CCDC141: variants seen among roughly 807,000 people sequenced by gnomAD.
The protein encoded by CCDC141 is coiled-coil domain containing 141.
A neutral mutation model predicts 181.0 loss-of-function variants in CCDC141; 168 were observed. The ratio of observed to expected loss-of-function variants is 0.93; its 90% CI spans 0.82 to 1.05. The LOEUF (loss-of-function observed/expected upper bound fraction) is 1.05, where lower values mean the gene tolerates loss of function less well. CCDC141 is among the 50% of genes least tolerant of loss of function. CCDC141 has a pLI of 0.00. For missense variants in CCDC141, 1,902 were observed against 1,788.5 expected (o/e 1.06, Z -1.14); for synonymous variants, 666 against 642.3 (o/e 1.04, Z -0.56).
At chr2:178,895,350 C>G (rs932839975) in intron 8 of CCDC141, among the ~76,000 whole-genome samples, 1 of 152,126 alleles carries the variant, frequency 6.6e-6, no homozygotes, top group Non-Finnish European at 1.5e-5. Context: ...GAGAGGAGTC[C>G]TCAATCACCC....
intron 23 of CCDC141, 150 bp from the exon 24 acceptor site, chr2:178,834,590 G>T: frequency 2.3e-6 from 2 of 864,932 alleles, no homozygotes; most frequent in Non-Finnish European, 3.4e-6. Context: ...TTCCAGTGGG[G>T]CTCTTTATCT....
rs1208096828 is a variant in CCDC141, at chr2:179,050,120, C to T, written c.-179G>A. 9.8e-6 allele frequency: 9 copies of T among 914,508 alleles called. No individual in the cohort carries two copies. Among genetic ancestry groups the T allele is most frequent in the Non-Finnish European group, 1.4e-5 (9 of 644,152 alleles). 56.6% of individuals were successfully genotyped at this position (914,508 alleles called of 1,614,324 possible). A position where few individuals can be genotyped will look rare whatever the true frequency, so the allele number is the denominator to read the frequency against. ...AAATAGACAACCCCATTGAGTTTAT[C>T]GTGAGAGAGAAAGGAGCGAACGAGA... On this transcript the variant is annotated 5_prime_UTR_variant, in exon 1 of 24. Coordinates refer to ENST00000443758, the MANE Select transcript of CCDC141 (RefSeq NM_173648.4).
intron 4 of CCDC141, among the ~76,000 whole-genome samples, chr2:178,963,401 G>A (rs75293999): frequency 0.02 from 2,987 of 152,120 alleles, 49 homozygotes; most frequent in Non-Finnish European, 0.028. Context: ...GAATAACAGC[G>A]TCAAATATAC....
chr2:178,900,639 T>TA (rs1687641242), intron 8 of CCDC141, among the ~76,000 whole-genome samples: 1 of 152,126 alleles, frequency 6.6e-6, no homozygotes, highest in Admixed American at 6.6e-5. Context: ...ACAGAATGTA[T>TA]AAAAAATAAA....
intron 22 of CCDC141, among the ~76,000 whole-genome samples, chr2:178,841,316 A>G (rs1684707898): frequency 6.6e-6 from 1 of 152,220 alleles, no homozygotes; most frequent in Admixed American, 6.5e-5. Context: ...AGAGAGCATC[A>G]TAAGTGTGTT....
chr2:179,004,965 C>T (rs138081344), intron 2 of CCDC141, among the ~76,000 whole-genome samples: 96 of 152,286 alleles, frequency 6.3e-4, no homozygotes, highest in African/African-American at 2.0e-3. Context: ...CTCCTGACCT[C>T]AGGTTATCCA....
the CCDC141 span, among the ~76,000 whole-genome samples, chr2:178,821,727 T>C: frequency 6.6e-6 from 1 of 152,122 alleles, no homozygotes; most frequent in Non-Finnish European, 1.5e-5. Context: ...TCACACCAGT[T>C]AGAATGGCAA....
At chr2:178,993,740 G>A (rs1021744087) in intron 2 of CCDC141, among the ~76,000 whole-genome samples, 1 of 152,134 alleles carries the variant, frequency 6.6e-6, no homozygotes, top group African/African-American at 2.4e-5. Flanking sequence ...TTCTGCCTAT[G>A]AGCCTGTAAA....
chr2:178,885,821 TGA>T (rs912722150), intron 10 of CCDC141, among the ~76,000 whole-genome samples: 2 of 152,136 alleles, frequency 1.3e-5, no homozygotes, highest in Admixed American at 1.3e-4. Context: ...TCTGCAGCAA[TGA>T]GAGATTGCTT....
chr2:178,948,228 T>A (rs1026784979), intron 5 of CCDC141, among the ~76,000 whole-genome samples: 1 of 152,092 alleles, frequency 6.6e-6, no homozygotes, highest in African/African-American at 2.4e-5. Context: ...TTAGTATTGA[T>A]TACCTATTGA....
chr2:178,977,448 T>G (rs1014848625), intron 3 of CCDC141, among the ~76,000 whole-genome samples: 19 of 152,202 alleles, frequency 1.2e-4, no homozygotes, highest in Non-Finnish European at 2.6e-4. Context: ...TTCAGCTGTT[T>G]CATTTCTTTT....
intron 5 of CCDC141, among the ~76,000 whole-genome samples, chr2:178,953,880 A>T (rs542559937): frequency 6.6e-5 from 10 of 152,246 alleles, no homozygotes; most frequent in Non-Finnish European, 8.8e-5. Flanking sequence ...GATGCCCACC[A>T]GACACAAGAT....
At chr2:178,923,326 G>C (rs986166007) in intron 6 of CCDC141, among the ~76,000 whole-genome samples, 8 of 151,744 alleles carry the variant, frequency 5.3e-5, no homozygotes, top group South Asian at 2.1e-4. Context: ...GGATGGTCTC[G>C]ATCTCCTGAC....
chr2:179,003,828 A>G (rs1289836651), intron 2 of CCDC141, among the ~76,000 whole-genome samples: 5 of 152,250 alleles, frequency 3.3e-5, no homozygotes, highest in Non-Finnish European at 7.3e-5. Flanking sequence ...TTTACTGTCA[A>G]GAAACATGTA....
chr2:178,961,416 G>T lies in CCDC141; in HGVS notation c.594C>A (p.Phe198Leu). Residue 198 changes from phenylalanine (F) to leucine (L), a missense_variant, in exon 5 of 24, where the codon TTC (phenylalanine) becomes TTA (leucine). Physicochemically the swap from Phe to Leu is conservative, Grantham distance 22. Coordinates refer to ENST00000443758, the MANE Select transcript of CCDC141 (RefSeq NM_173648.4). ...GATTCACATTAGGTCCTTCACACTT[G>T]AATTTTTCTATGAAGTCAGTGAGTT... ...SQQLTDFIEK[F>L]KCEGPNVNPE... 1 of 1,550,372 alleles carries T rather than the reference G, an allele frequency of 6.5e-7. No homozygotes were observed. Among genetic ancestry groups the T allele is most frequent in the Non-Finnish European group, 8.7e-7 (1 of 1,146,870 alleles).
At chr2:178,868,501 T>C (rs981423579) in intron 15 of CCDC141, among the ~76,000 whole-genome samples, 2 of 150,866 alleles carry the variant, frequency 1.3e-5, no homozygotes, top group African/African-American at 2.4e-5. Flanking sequence ...TTTAAAGGGA[T>C]ATTAACGAAT....
At chr2:178,815,202 T>C in the CCDC141 span, among the ~76,000 whole-genome samples, 13 of 152,186 alleles carry the variant, frequency 8.5e-5, no homozygotes, top group African/African-American at 3.1e-4. Context: ...AACATATATC[T>C]TAAGGACATG....
intron 2 of CCDC141, among the ~76,000 whole-genome samples, chr2:179,006,328 C>T (rs912650872): frequency 1.3e-5 from 2 of 152,152 alleles, no homozygotes; most frequent in Admixed American, 1.3e-4. Context: ...TCAGTGTTAT[C>T]TGTTTCTGTT....
rs113008315 is a variant in CCDC141 at position 178,975,217 on chromosome 2, G to A, written c.418-52C>T. 1,408 of 985,682 alleles carry A rather than the reference G, an allele frequency of 1.4e-3. 13 individuals carry two copies. In the African/African-American group the frequency reaches 0.021, roughly 15 times the overall value. 61.1% of individuals were successfully genotyped at this position (985,682 alleles called of 1,614,324 possible). On this transcript the variant is annotated intron_variant, in intron 3 of 23. Coordinates refer to ENST00000443758, the MANE Select transcript of CCDC141 (RefSeq NM_173648.4). Reference sequence around the variant, plus strand: ...ATTTGACATTTGTATAAAAATTAACGTGCCATTGTTAGTTACCTGGAGATG... The same window carrying A: ...ATTTGACATTTGTATAAAAATTAACATGCCATTGTTAGTTACCTGGAGATG...
Sources: gnomAD v4.1 joint callset for allele counts (sites outside exome capture counted in the v4.1 genomes callset) on GRCh38, gnomAD v4.1.1 for gene constraint, MANE v1.5 for transcripts, NCBI Gene and HGNC (gene_info 2026-07-23, HGNC 2026-07-21) for gene names.